Variants in BRSK2 observed in about 807,000 individuals in gnomAD.
The protein encoded by BRSK2 is serine/threonine-protein kinase BRSK2.
Under a neutral mutation model 83.3 loss-of-function variants are expected in BRSK2, and 19 were observed. The observed-to-expected ratio is 0.23, with a 90% CI of 0.16 to 0.33. The LOEUF is 0.33. Among genes scored for constraint, BRSK2 ranks in the 10% least tolerant of loss-of-function variants. The pLI, the probability that BRSK2 is intolerant of heterozygous loss-of-function variation, is 1.00. For missense variants in BRSK2, 798 were observed against 1,042.3 expected (o/e 0.77, Z 3.23); for synonymous variants, 519 against 435.4 (o/e 1.19, Z -2.39).
At chr11:1,415,435 T>A (rs981674444) in intron 1 of BRSK2, among the ~76,000 whole-genome samples, 1 of 152,154 alleles carries the variant, frequency 6.6e-6, no homozygotes, top group Non-Finnish European at 1.5e-5. Flanking sequence ...TTTATTTTTC[T>A]GAGACAGGGT....
intron 16 of BRSK2, among the ~76,000 whole-genome samples, chr11:1,455,216 T>G (rs1459364205): frequency 6.6e-6 from 1 of 152,058 alleles, no homozygotes; most frequent in Non-Finnish European, 1.5e-5. Context: ...TTGCCAGGAC[T>G]CCAGCACCCA....
At chr11:1,399,961 C>T (rs1208400088) in intron 1 of BRSK2, among the ~76,000 whole-genome samples, 1 of 152,174 alleles carries the variant, frequency 6.6e-6, no homozygotes, top group East Asian at 1.9e-4. Context: ...CCGCCAGCAA[C>T]ACCCCCCACC....
chr11:1,402,240 C>T (rs141404055), intron 1 of BRSK2, among the ~76,000 whole-genome samples: 135 of 152,330 alleles, frequency 8.9e-4, no homozygotes, highest in African/African-American at 3.1e-3. Flanking sequence ...GCAGGCACAG[C>T]AGGCTGTGGT....
In BRSK2 at chr11:1,454,167, C is replaced by CACCT. The variant is rs1212739429; in HGVS notation, c.1545-317_1545-314dup. ...ACAGCGGCCTTGGTGAGGGGGGGCT[C>CACCT]ACCTGTGGGGGGCTCACCTGTGGAG... On this transcript the variant is annotated intron_variant, in intron 15 of 19. Transcript: ENST00000528841. The surrounding 1 kb of genome is among the most constrained non-coding windows in gnomAD (Gnocchi z 5.2). The CACCT allele has an allele frequency of 4.6e-6, 1 of 218,436 alleles. No homozygotes were observed. The highest frequency in any genetic ancestry group is 9.1e-6 in the Non-Finnish European group (1 of 109,846). 13.5% of individuals were successfully genotyped at this position (218,436 alleles called of 1,614,324 possible).
intron 12 of BRSK2, among the ~76,000 whole-genome samples, chr11:1,448,633 A>G (rs1852539635): frequency 6.6e-6 from 1 of 152,002 alleles, no homozygotes; most frequent in African/African-American, 2.4e-5. Flanking sequence ...CCAGGGCCTC[A>G]CTGGTGGCTG....
intron 19 of BRSK2, 78 bp downstream of exon 19, chr11:1,459,317 T>A (rs1366463287): frequency 1.3e-6 from 2 of 1,546,122 alleles, no homozygotes; most frequent in Non-Finnish European, 1.8e-6. Flanking sequence ...GGCCGCCACC[T>A]GCCGCCCGGG....
rs533291611 is a variant in BRSK2, at chr11:1,460,880, G to A, written c.*157G>A. 5 of 1,594,478 alleles carry A rather than the reference G, an allele frequency of 3.1e-6. No homozygotes were observed. The African/African-American group carries it at 5.4e-5, about 17-fold the overall frequency. The stretch of plus-strand genomic sequence containing the variant: ...GAAAGGGGCGTTGGGGCCGGCCTGT[G>A]GGCTGCGCCACCCGCGCCCGCTCTC... On this transcript the variant is annotated 3_prime_UTR_variant, in exon 20 of 20. Coordinates refer to ENST00000528841, the MANE Select transcript of BRSK2 (RefSeq NM_001256627.2).
At chr11:1,448,241 C>G (rs142045073) in intron 12 of BRSK2, among the ~76,000 whole-genome samples, 40 of 152,334 alleles carry the variant, frequency 2.6e-4, no homozygotes, top group African/African-American at 9.4e-4. Flanking sequence ...CCTGTGCCCA[C>G]CTGCAGGAGC....
chr11:1,437,855 G>A (rs1850542877), intron 2 of BRSK2, among the ~76,000 whole-genome samples: 1 of 152,160 alleles, frequency 6.6e-6, no homozygotes, highest in Non-Finnish European at 1.5e-5. Flanking sequence ...GAGAGGCCCA[G>A]GCTGCCTGCC....
chr11:1,451,557 C>T (rs56097341), intron 15 of BRSK2, 138 bp downstream of exon 15: 63 of 889,550 alleles, frequency 7.1e-5, no homozygotes, highest in Non-Finnish European at 9.9e-5. Context: ...AGGCCCGTCT[C>T]GGCCACTGAG....
At chr11:1,458,213 C>A (rs1002786429) in intron 18 of BRSK2, among the ~76,000 whole-genome samples, 9 of 152,078 alleles carry the variant, frequency 5.9e-5, no homozygotes, top group Non-Finnish European at 1.2e-4. Context: ...GTCGAGCGCT[C>A]CTGCGTGGGC....
intron 4 of BRSK2, among the ~76,000 whole-genome samples, 188 bp downstream of exon 4, chr11:1,441,116 T>C (rs11027713): frequency 0.23 from 19,218 of 84,070 alleles, 2,389 homozygotes; most frequent in East Asian, 0.42. Context: ...TCAAGTGCAC[T>C]GTCCCCTCCA....
At chr11:1,393,881 CTGGAGATGGGT>C (rs1845882927) in intron 1 of BRSK2, among the ~76,000 whole-genome samples, 1 of 147,826 alleles carries the variant, frequency 6.8e-6, no homozygotes, top group African/African-American at 2.5e-5. Context: ...GAGATGGGTC[CTGGAGATGGGT>C]CCTGGAGATG....
At chr11:1,392,457 C>T (rs1481987239) in intron 1 of BRSK2, among the ~76,000 whole-genome samples, 5 of 152,222 alleles carry the variant, frequency 3.3e-5, no homozygotes, top group African/African-American at 1.2e-4. Flanking sequence ...TTGTTTGGCC[C>T]TCTCTGTTCA....
chr11:1,411,313 G>A, intron 1 of BRSK2: 1 of 1,349,276 alleles, frequency 7.4e-7, no homozygotes, highest in Non-Finnish European at 9.5e-7. Flanking sequence ...CCCGGGTGGG[G>A]TCCTGAAGCT....
intron 13 of BRSK2, among the ~76,000 whole-genome samples, chr11:1,450,257 G>C (rs1403736121): frequency 3.8e-5 from 5 of 132,198 alleles, no homozygotes; most frequent in Non-Finnish European, 4.9e-5. Flanking sequence ...ACCGCCCCCC[G>C]AGCCGCCCTT....
intron 18 of BRSK2, among the ~76,000 whole-genome samples, chr11:1,458,861 G>C (rs1847004097): frequency 6.6e-6 from 1 of 152,178 alleles, no homozygotes; most frequent in Admixed American, 6.5e-5. Flanking sequence ...GGGCAGAGTT[G>C]TCAGCCCAGG....
At chr11:1,396,439 G>A (rs1228304715) in intron 1 of BRSK2, among the ~76,000 whole-genome samples, 1 of 152,200 alleles carries the variant, frequency 6.6e-6, no homozygotes, top group Non-Finnish European at 1.5e-5. Flanking sequence ...GTGACCCCGG[G>A]CCCTCTCATC....
At chr11:1,415,961 G>T (rs1459519747) in intron 1 of BRSK2, among the ~76,000 whole-genome samples, 6 of 152,260 alleles carry the variant, frequency 3.9e-5, no homozygotes, top group Admixed American at 3.9e-4. Context: ...TTTTCAGACT[G>T]GGAAAAGTTG....
Sources: allele counts gnomAD v4.1 joint callset (sites outside exome capture counted in the v4.1 genomes callset), GRCh38; gene constraint gnomAD v4.1.1; non-coding constraint Gnocchi (gnomAD v3.1); transcripts MANE v1.5; gene names NCBI Gene and HGNC (gene_info 2026-07-23, HGNC 2026-07-21).